The following PLIN5 variants were observed in gnomAD, a reference collection of about 807,000 sequenced individuals.
PLIN5 encodes perilipin-5.
Under a neutral mutation model 32.8 loss-of-function variants are expected in PLIN5, and 34 were observed. That is an observed-to-expected ratio of 1.04 (90% CI 0.79 to 1.38). PLIN5 has a LOEUF of 1.38. Ranked by LOEUF, PLIN5 falls within the 40% of genes most tolerant of loss-of-function variation. The pLI is 0.00. For synonymous variants in PLIN5, 309 were observed against 292.9 expected (o/e 1.05, Z -0.56); for missense variants, 712 against 660.5 (o/e 1.08, Z -0.85).
rs778194144 is a variant in PLIN5 at position 4,529,080 on chromosome 19, T to C, written c.513A>G (p.Glu171=). ...TGAGGGTGTCGTCCTCACCGAGCTC[T>C]TCCTCCGTCATGGGCAGGAAGTGAT... is the stretch of plus-strand genomic sequence containing the variant. The part of the protein sequence containing the change: ...LVDHFLPMTE[E]ELAALAAEAE... The change falls in exon 5 of 8, where the codon GAA becomes GAG. Residue 171 remains glutamate, a synonymous_variant. Transcript: ENST00000381848. 4 of 1,612,708 alleles carry C rather than the reference T, an allele frequency of 2.5e-6. No homozygotes were observed. The highest frequency in any genetic ancestry group is 3.3e-5 in the Admixed American group (2 of 59,946).
chr19:4,528,175 C>A (rs1233156273), intron 5 of PLIN5, among the ~76,000 whole-genome samples: 1 of 151,940 alleles, frequency 6.6e-6, no homozygotes, highest in African/African-American at 2.4e-5. Context: ...CCCCAAAGTG[C>A]TGGGATTACA....
At chr19:4,527,517 C>T (rs914380973) in intron 5 of PLIN5, among the ~76,000 whole-genome samples, 5 of 117,980 alleles carry the variant, frequency 4.2e-5, no homozygotes, top group African/African-American at 1.4e-4. Flanking sequence ...CTAGCCTGGG[C>T]GACAGAGTGA....
intron 2 of PLIN5, chr19:4,532,547 C>T (rs937252885): frequency 4.6e-5 from 7 of 152,210 alleles, no homozygotes; most frequent in Admixed American, 3.9e-4. Flanking sequence ...CAGGGTTTCA[C>T]TATGTTGACC....
rs1976861894 is a variant in PLIN5, at chr19:4,529,853, G to A, written c.270C>T (p.Asn90=). Residue 90 remains asparagine, a synonymous_variant, in exon 4 of 8, where the codon AAC becomes AAT. Transcript: ENST00000381848. The part of the protein sequence containing the change: ...EHLQPQLATM[N]SLACRGLDKL... ...TGTCCAGGCCCCTGCAGGCGAGGCT[G>A]TTCATAGTGGCCACTGAAGGGAGAG... 1.9e-6 allele frequency: 3 copies of A among 1,603,812 alleles called. No individual in the cohort carries two copies. The East Asian group carries it at 6.7e-5, about 36-fold the overall frequency.
chr19:4,534,917 G>C (rs1411144473), intron 1 of PLIN5, among the ~76,000 whole-genome samples: 2 of 152,194 alleles, frequency 1.3e-5, no homozygotes, highest in Non-Finnish European at 1.5e-5. Flanking sequence ...AGTTACAGGG[G>C]GGGAGCTCGA....
intron 1 of PLIN5, 138 bp downstream of exon 1, chr19:4,535,027 C>G (rs1976929238): frequency 6.6e-6 from 1 of 152,404 alleles, no homozygotes; most frequent in Admixed American, 6.5e-5. Context: ...TGGGGCCAAC[C>G]GGGCCAAGGG....
intron 5 of PLIN5, chr19:4,528,380 G>A (rs8113105): frequency 0.011 from 1,631 of 152,174 alleles, 9 homozygotes; most frequent in Middle Eastern, 0.034. Flanking sequence ...CCATCTGAAG[G>A]AGCAGACAAT....
chr19:4,527,160 T>C (rs1336597423), intron 5 of PLIN5, among the ~76,000 whole-genome samples: 3 of 151,700 alleles, frequency 2.0e-5, no homozygotes, highest in African/African-American at 7.3e-5. Context: ...ACTGCAAGCT[T>C]CACCTCCCAG....
chr19:4,525,955 C>A lies in PLIN5; in HGVS notation c.521-123G>T. On this transcript the variant is annotated intron_variant, in intron 5 of 7. Coordinates refer to ENST00000381848, the MANE Select transcript of PLIN5 (RefSeq NM_001013706.3). The surrounding 1 kb of genome is among the most constrained non-coding windows in gnomAD (Gnocchi z 5.6). The stretch of plus-strand genomic sequence containing the variant: ...ACGGGGACAGGATACGGGGACAGCA[C>A]GGGGACAGCATGGGGTCAGCACAGC... 1.2e-6 allele frequency: 1 copy of A among 820,702 alleles called. No individual in the cohort carries two copies. The highest frequency in any genetic ancestry group is 2.8e-5 in the East Asian group (1 of 36,262). The allele number at this position is 820,702 out of a possible 1,614,324, so 50.8% of individuals were successfully genotyped here.
Position 4,525,307 on chromosome 19 carries a change from G to A in PLIN5, c.721-231C>T, listed in dbSNP as rs1976787312. Among the ~76,000 whole-genome samples, 2 of 152,170 alleles carry A rather than the reference G, an allele frequency of 1.3e-5. No individual in the cohort carries two copies. Among genetic ancestry groups the A allele is most frequent in the African/African-American group, 4.8e-5 (2 of 41,434 alleles). ...CTCAGGGGCTCACAGGTGCCCTCTG[G>A]TGGCTGCTGCGGGGAGGGAAGAGCT... On this transcript the variant is annotated intron_variant, in intron 6 of 7. Coordinates refer to ENST00000381848, the MANE Select transcript of PLIN5 (RefSeq NM_001013706.3). This position sits in a 1 kb window ranked among gnomAD's most constrained non-coding sequence, Gnocchi z 5.6.
intron 3 of PLIN5, 26 bp from the exon 4 acceptor site, chr19:4,529,892 G>A: frequency 1.3e-6 from 2 of 1,497,024 alleles, no homozygotes; most frequent in African/African-American, 1.4e-5. Flanking sequence ...CGGGGAGTGA[G>A]ACTCGGGGAG....
intron 3 of PLIN5, among the ~76,000 whole-genome samples, chr19:4,531,405 A>ATTG (rs1344699871): frequency 6.6e-6 from 1 of 152,102 alleles, no homozygotes; most frequent in African/African-American, 2.4e-5. Context: ...GGCCTCCCAA[A>ATTG]GTGCTGGGAT....
In PLIN5 at chr19:4,525,613, G is replaced by C. The variant is rs368037238; in HGVS notation, c.720+20C>G. On this transcript the variant is annotated intron_variant, in intron 6 of 7. Coordinates refer to ENST00000381848, the MANE Select transcript of PLIN5 (RefSeq NM_001013706.3). This position sits in a 1 kb window ranked among gnomAD's most constrained non-coding sequence, Gnocchi z 5.6. ...TGATTGGCCTGCATCCCGGAGCAGG[G>C]GCGGGCAGCGGGCTCTCACCAGCTC... 5.8e-4 allele frequency: 935 copies of C among 1,610,512 alleles called. 1 individual carries two copies. The highest frequency in any genetic ancestry group is 7.6e-4 in the Non-Finnish European group (899 of 1,179,792).
In PLIN5 at chr19:4,524,974, G is replaced by A. The variant is rs554299137; in HGVS notation, c.823C>T (p.Arg275Cys). The A allele has an allele frequency of 4.2e-4, 645 of 1,531,340 alleles. 2 individuals are homozygous for A. Among genetic ancestry groups the A allele is most frequent in the South Asian group, 1.7e-3 (137 of 82,904 alleles). 94.9% of individuals were successfully genotyped at this position (1,531,340 alleles called of 1,614,324 possible). Reference protein sequence around the residue: ...EWGQRPPESRRRSQAELETLV... With the variant: ...EWGQRPPESRCRSQAELETLV... ...TCCTGCGGTCTCACCTGGCTCCGGC[G>A]GCGGCTCTCCGGAGGGCGCTGGCCC... The change falls in exon 7 of 8, where the codon CGC becomes TGC. Residue 275 changes from arginine to cysteine, a missense_variant. Physicochemically the swap from Arg to Cys is radical, Grantham distance 180. Coordinates refer to ENST00000381848, the MANE Select transcript of PLIN5 (RefSeq NM_001013706.3).
chr19:4,525,005 C>G lies in PLIN5; in HGVS notation c.792G>C (p.Gly264=), dbSNP rs1353204676. The change falls in exon 7 of 8, where the codon GGG becomes GGC. Residue 264 remains glycine, a synonymous_variant. Transcript: ENST00000381848. The surrounding 1 kb of genome is among the most constrained non-coding windows in gnomAD (Gnocchi z 5.6). ...ACPGKVHELW[G]EWGQRPPESR... is the part of the protein sequence containing the mutation. Reference sequence around the variant, plus strand: ...TCTCCGGAGGGCGCTGGCCCCATTCCCCCCACAGCTCGTGCACCTTCCCAG... The same window carrying G: ...TCTCCGGAGGGCGCTGGCCCCATTCGCCCCACAGCTCGTGCACCTTCCCAG... 6.6e-7 allele frequency: 1 copy of G among 1,517,748 alleles called. No individual in the cohort carries two copies. Among genetic ancestry groups the G allele is most frequent in the African/African-American group, 1.4e-5 (1 of 70,220 alleles). The allele number at this position is 1,517,748 out of a possible 1,614,324, so 94.0% of individuals were successfully genotyped here.
chr19:4,523,688 T>C lies in PLIN5; in HGVS notation c.1232A>G (p.Asp411Gly), dbSNP rs200012930. The part of the protein sequence containing the change: ...GGPDPRWAHL[D>G]WPAQQRAWEA... Reference sequence around the variant, plus strand: ...CCAGGCTCTCTGCTGGGCCGGCCAGTCCAGGTGCGCCCAGCGGGGGTCAGG... The same window carrying C: ...CCAGGCTCTCTGCTGGGCCGGCCAGCCCAGGTGCGCCCAGCGGGGGTCAGG... The change falls in exon 8 of 8, where the codon GAC becomes GGC. Residue 411 changes from aspartate to glycine, a missense_variant. Transcript: ENST00000381848. This position sits in a 1 kb window ranked among gnomAD's most constrained non-coding sequence, Gnocchi z 5.0. The C allele has an allele frequency of 6.2e-7, 1 of 1,607,018 alleles. No individual in the cohort carries two copies. Among genetic ancestry groups the C allele is most frequent in the African/African-American group, 1.3e-5 (1 of 75,000 alleles).
chr19:4,532,415 G>A (rs1976898577), intron 2 of PLIN5: 1 of 152,304 alleles, frequency 6.6e-6, no homozygotes, highest in South Asian at 2.1e-4. Context: ...ACATTGGTCA[G>A]GCTGGTCTCA....
chr19:4,529,020 G>A, intron 5 of PLIN5, 53 bp downstream of exon 5: 1 of 1,566,042 alleles, frequency 6.4e-7, no homozygotes, highest in East Asian at 2.3e-5. Context: ...TGTACCACAG[G>A]GGATGGGGAC....
At position 4,525,192 on chromosome 19, in the gene PLIN5, G is replaced by T; in HGVS notation, c.721-116C>A. ...GTAAGCATTTAGGAGACCGAGGCAG[G>T]TTGTGCAGGGCCGTGGGGAAGACTT... On this transcript the variant is annotated intron_variant, in intron 6 of 7. Transcript: ENST00000381848. The surrounding 1 kb of genome is among the most constrained non-coding windows in gnomAD (Gnocchi z 5.6). 1 of 645,148 alleles carries T rather than the reference G, an allele frequency of 1.6e-6. No homozygotes were observed. The highest frequency in any genetic ancestry group is 2.4e-5 in the South Asian group (1 of 41,378). The allele number at this position is 645,148 out of a possible 1,614,324, so 40.0% of individuals were successfully genotyped here. A position where few individuals can be genotyped will look rare whatever the true frequency, so the allele number is the denominator to read the frequency against.
Sources: allele counts gnomAD v4.1 joint callset (sites outside exome capture counted in the v4.1 genomes callset), GRCh38; gene constraint gnomAD v4.1.1; non-coding constraint Gnocchi (gnomAD v3.1); transcripts MANE v1.5; gene names NCBI Gene and HGNC (gene_info 2026-07-23, HGNC 2026-07-21).